Variants in SAMD3 observed in about 807,000 individuals in gnomAD.
SAMD3 encodes sterile alpha motif domain-containing protein 3.
In SAMD3, 63 loss-of-function variants were observed where a neutral mutation model predicts 58.5. The observed-to-expected ratio is 1.08, with a 90% CI of 0.88 to 1.33. SAMD3 has a LOEUF of 1.33. Ranked by LOEUF, SAMD3 falls within the 40% of genes most tolerant of loss-of-function variation. SAMD3 has a pLI of 0.00. For synonymous variants in SAMD3, 220 were observed against 210.3 expected, an observed-to-expected ratio of 1.05 and a Z score of -0.40; for missense variants, 604 against 608.4, an observed-to-expected ratio of 0.99 and a Z score of 0.08.
At chr6:130,237,941 T>TA (rs1225197142) in intron 2 of SAMD3, among the ~76,000 whole-genome samples, 2 of 152,096 alleles carry the variant, frequency 1.3e-5, no homozygotes, top group South Asian at 2.1e-4. Context: ...CTAGGAAACA[T>TA]AAAAAAACGA....
At chr6:130,259,187 T>G (rs1583017596) in intron 2 of SAMD3, among the ~76,000 whole-genome samples, 1 of 152,194 alleles carries the variant, frequency 6.6e-6, no homozygotes, top group Non-Finnish European at 1.5e-5. Context: ...TGTTTTATGC[T>G]GCTATAAAGG....
At chr6:130,205,711 T>C (rs1156576209) in intron 5 of SAMD3, among the ~76,000 whole-genome samples, 1 of 152,174 alleles carries the variant, frequency 6.6e-6, no homozygotes. Flanking sequence ...TTGAAGCACT[T>C]ATAGTCTAAT....
At chr6:130,208,597 T>C (rs1248296043) in intron 5 of SAMD3, among the ~76,000 whole-genome samples, 1 of 152,196 alleles carries the variant, frequency 6.6e-6, no homozygotes, top group Non-Finnish European at 1.5e-5. Flanking sequence ...GGATCTAGGT[T>C]GAGCACTCCT....
chr6:130,278,993 C>T (rs554239703), intron 2 of SAMD3, among the ~76,000 whole-genome samples: 23 of 152,148 alleles, frequency 1.5e-4, no homozygotes, highest in African/African-American at 4.6e-4. Flanking sequence ...AGAGAATGAA[C>T]CTTAGAATCA....
chr6:130,261,001 T>TG (rs1489840360), intron 2 of SAMD3, among the ~76,000 whole-genome samples: 8 of 152,132 alleles, frequency 5.3e-5, no homozygotes, highest in Non-Finnish European at 1.2e-4. Flanking sequence ...TTGAATTGCT[T>TG]GACAGGACTG....
At chr6:130,235,473 T>C (rs1459066453) in intron 2 of SAMD3, among the ~76,000 whole-genome samples, 1 of 152,202 alleles carries the variant, frequency 6.6e-6, no homozygotes, top group Non-Finnish European at 1.5e-5. Flanking sequence ...TTTCATGGAT[T>C]GGAAATCTAG....
intron 5 of SAMD3, among the ~76,000 whole-genome samples, chr6:130,206,642 G>A (rs968683813): frequency 4.6e-5 from 7 of 152,158 alleles, no homozygotes; most frequent in African/African-American, 9.7e-5. Context: ...TCTAAGGTGC[G>A]GTATGCAGAG....
chr6:130,186,907 A>G (rs1793036160), intron 5 of SAMD3, among the ~76,000 whole-genome samples: 2 of 151,546 alleles, frequency 1.3e-5, no homozygotes, highest in Non-Finnish European at 2.9e-5. Context: ...AGTAGCTGGG[A>G]CTACAGGCGC....
intron 3 of SAMD3, 54 bp from the exon 4 acceptor site, chr6:130,214,580 C>A: frequency 3.5e-6 from 5 of 1,413,298 alleles, no homozygotes; most frequent in South Asian, 1.5e-5. Context: ...AAAACACAGG[C>A]ATTCTGAAGA....
At chr6:130,272,606 A>G (rs1774605359) in intron 2 of SAMD3, among the ~76,000 whole-genome samples, 1 of 152,232 alleles carries the variant, frequency 6.6e-6, no homozygotes, top group Non-Finnish European at 1.5e-5. Flanking sequence ...ACTGATAATT[A>G]AATATTATTG....
chr6:130,167,911 C>A (rs1790870073), intron 8 of SAMD3, among the ~76,000 whole-genome samples: 1 of 152,198 alleles, frequency 6.6e-6, no homozygotes, highest in Admixed American at 6.5e-5. Flanking sequence ...ATACGTCTTG[C>A]TAGCAGTGGG....
At chr6:130,151,757 TG>T in intron 9 of SAMD3, among the ~76,000 whole-genome samples, 1 of 152,164 alleles carries the variant, frequency 6.6e-6, no homozygotes, top group East Asian at 1.9e-4. Context: ...TTTAATTTTT[TG>T]AGACTTTATT....
intron 2 of SAMD3, among the ~76,000 whole-genome samples, chr6:130,266,790 T>C (rs1276960701): frequency 6.6e-6 from 1 of 152,182 alleles, no homozygotes; most frequent in Non-Finnish European, 1.5e-5. Flanking sequence ...CTCCTAGGCT[T>C]CCCTGCCTAT....
chr6:130,300,837 A>G (rs1775722319), intron 2 of SAMD3, among the ~76,000 whole-genome samples: 1 of 152,106 alleles, frequency 6.6e-6, no homozygotes, highest in Admixed American at 6.6e-5. Flanking sequence ...TATTATTATT[A>G]TACTTTAAGT....
chr6:130,193,333 C>G (rs148769716), intron 5 of SAMD3, among the ~76,000 whole-genome samples: 1,580 of 152,174 alleles, frequency 0.01, 20 homozygotes, highest in African/African-American at 0.036. Context: ...AACCTCATAT[C>G]TCTGCTCCCC....
At chr6:130,262,241 T>G (rs531646581) in intron 2 of SAMD3, among the ~76,000 whole-genome samples, 69 of 151,948 alleles carry the variant, frequency 4.5e-4, no homozygotes, top group African/African-American at 1.5e-3. Flanking sequence ...CTTGACCCAG[T>G]AACCTGTGGA....
rs774712501 is a variant in SAMD3, at chr6:130,146,023, TTCA to T, written c.1179_1181del (p.Asp393del). On this transcript the variant is annotated inframe_deletion, in exon 10 of 12. Coordinates refer to ENST00000439090, the MANE Select transcript of SAMD3 (RefSeq NM_001017373.4). The stretch of plus-strand genomic sequence containing the variant: ...AGGTTTACTAACATTTCAACATGTC[TTCA>T]TCTGTGTAATGTTTCATTTTTTCTT... 3 of 1,542,336 alleles carry T rather than the reference TTCA, an allele frequency of 1.9e-6. No homozygotes were observed. In the South Asian group the frequency reaches 3.9e-5, roughly 20 times the overall value.
At chr6:130,218,976 T>C (rs1178248581) in intron 1 of SAMD3, among the ~76,000 whole-genome samples, 1 of 152,172 alleles carries the variant, frequency 6.6e-6, no homozygotes, top group Admixed American at 6.5e-5. Flanking sequence ...GTCATTGAAC[T>C]GAGAGTATGT....
chr6:130,143,593 C>G (rs888767218), downstream of SAMD3, among the ~76,000 whole-genome samples: 2 of 152,164 alleles, frequency 1.3e-5, no homozygotes, highest in Non-Finnish European at 2.9e-5. Flanking sequence ...AACATGTAAC[C>G]CAGGAAATGT....
Sources: allele counts gnomAD v4.1 joint callset (sites outside exome capture counted in the v4.1 genomes callset), GRCh38; gene constraint gnomAD v4.1.1; transcripts MANE v1.5; gene names NCBI Gene and HGNC (gene_info 2026-07-23, HGNC 2026-07-21).